PCDHGA5: variants seen among roughly 807,000 people sequenced by gnomAD.
PCDHGA5 encodes protocadherin gamma subfamily A, 5, also known as protocadherin gamma-A5.
A neutral mutation model predicts 56.7 loss-of-function variants in PCDHGA5; 36 were observed. The ratio of observed to expected loss-of-function variants is 0.64; its 90% confidence interval spans 0.49 to 0.84. The LOEUF (loss-of-function observed/expected upper bound fraction) is 0.84, where lower values mean the gene tolerates loss of function less well. Among genes scored for constraint, PCDHGA5 ranks in the 40% least tolerant of loss-of-function variants. The pLI, the probability that PCDHGA5 is intolerant of heterozygous loss-of-function variation, is 0.00. For synonymous variants in PCDHGA5, 563 were observed against 520.2 expected (o/e 1.08, Z -1.12); for missense variants, 1,305 against 1,201.5 (o/e 1.09, Z -1.27).
intron 1 of PCDHGA5, chr5:141,475,934 GC>G (rs879308605): frequency 6.0e-6 from 4 of 665,236 alleles, no homozygotes; most frequent in Non-Finnish European, 1.0e-5. Context: ...TCGGGCCCCT[GC>G]CCGTCCCCTT....
chr5:141,495,077 C>T (rs1237589417), intron 2 of PCDHGA5, among the ~76,000 whole-genome samples: 4 of 152,180 alleles, frequency 2.6e-5, no homozygotes, highest in African/African-American at 9.7e-5. Flanking sequence ...AATTCACATG[C>T]TTGCCCCTTC....
chr5:141,375,962 C>T (rs763635174), intron 1 of PCDHGA5: 3 of 1,613,226 alleles, frequency 1.9e-6, no homozygotes, highest in African/African-American at 2.7e-5. Flanking sequence ...GGGCGAGGTG[C>T]GCACGGCGCG....
chr5:141,469,036 G>T (rs1396748159), intron 1 of PCDHGA5, among the ~76,000 whole-genome samples: 2 of 152,076 alleles, frequency 1.3e-5, no homozygotes, highest in Non-Finnish European at 2.9e-5. Flanking sequence ...CAGCACTTTG[G>T]GAGGCCAAGG....
chr5:141,382,910 A>G, intron 1 of PCDHGA5: 1 of 1,546,576 alleles, frequency 6.5e-7, no homozygotes. Flanking sequence ...ATGGCGGCTC[A>G]GCCGAGGGGC....
intron 1 of PCDHGA5, among the ~76,000 whole-genome samples, chr5:141,382,462 T>A (rs1481999551): frequency 6.6e-6 from 1 of 152,240 alleles, no homozygotes; most frequent in Admixed American, 6.5e-5. Context: ...AGCAGTTTTT[T>A]AAAAATTATC....
At chr5:141,429,169 T>TACACACACACACACACACAAAC (rs2097191391) in intron 1 of PCDHGA5, 1 of 145,394 alleles carries the variant, frequency 6.9e-6, no homozygotes, top group East Asian at 2.0e-4. Flanking sequence ...ACATTGTTTA[T>TACACACACACACACACACAAAC]ACACACACAC....
intron 1 of PCDHGA5, chr5:141,393,499 A>T: frequency 6.2e-7 from 1 of 1,614,008 alleles, no homozygotes; most frequent in South Asian, 1.1e-5. Context: ...GTGCGCATCC[A>T]CGTGACAGTG....
intron 1 of PCDHGA5, chr5:141,412,954 C>A (rs2095592297): frequency 2.1e-6 from 1 of 482,442 alleles, no homozygotes; most frequent in Non-Finnish European, 3.6e-6. Flanking sequence ...CGCCGCTGTT[C>A]ACCTACTAGG....
intron 1 of PCDHGA5, chr5:141,378,992 A>G (rs1300045216): frequency 6.6e-6 from 1 of 152,246 alleles, no homozygotes; most frequent in Non-Finnish European, 1.5e-5. Flanking sequence ...ACTACATTAT[A>G]GTCAAGATTT....
intron 1 of PCDHGA5, chr5:141,394,099 C>T: frequency 1.2e-6 from 2 of 1,613,930 alleles, no homozygotes; most frequent in South Asian, 1.1e-5. Context: ...GATCTAGGAA[C>T]ACCACCTCTG....
intron 1 of PCDHGA5, chr5:141,441,955 A>G: frequency 3.1e-6 from 1 of 320,028 alleles, no homozygotes; most frequent in Non-Finnish European, 6.0e-6. Context: ...GCAGGCCAGC[A>G]AGCCCAGGCT....
intron 2 of PCDHGA5, among the ~76,000 whole-genome samples, chr5:141,503,595 G>A (rs6892628): frequency 7.1e-6 from 1 of 140,086 alleles, no homozygotes. Context: ...CGAGACTCCA[G>A]CTCAAAAAAA....
chr5:141,384,704 C>T (rs1191674511), intron 1 of PCDHGA5: 2 of 1,614,004 alleles, frequency 1.2e-6, no homozygotes, highest in African/African-American at 2.7e-5. Flanking sequence ...GGCCAGAACG[C>T]CTGGCTGTCA....
At chr5:141,428,552 T>TC in intron 1 of PCDHGA5, 2 of 244,422 alleles carry the variant, frequency 8.2e-6, no homozygotes, top group African/African-American at 2.2e-5. Context: ...CCAGAAACAG[T>TC]CCCCCCACAA....
chr5:141,505,270 G>A (rs550800630), intron 2 of PCDHGA5, 123 bp from the exon 3 acceptor site: 103 of 1,520,724 alleles, frequency 6.8e-5, no homozygotes, highest in Middle Eastern at 4.6e-4. Context: ...CTTGCTGAGA[G>A]AAACAGGTCT....
At chr5:141,453,586 C>T (rs1409763264) in intron 1 of PCDHGA5, among the ~76,000 whole-genome samples, 1 of 152,204 alleles carries the variant, frequency 6.6e-6, no homozygotes, top group Non-Finnish European at 1.5e-5. Context: ...GGTTTATCCT[C>T]ACTGTGTTTC....
At chr5:141,510,898 T>C in intron 3 of PCDHGA5, 49 bp from the exon 4 acceptor site, 1 of 1,613,278 alleles carries the variant, frequency 6.2e-7, no homozygotes, top group Non-Finnish European at 8.5e-7. Context: ...ACAGTGACTG[T>C]TGAGGACCCT....
At position 141,388,975 on chromosome 5, in the gene PCDHGA5, T is replaced by C. The variant is rs1293529479; in HGVS notation, c.2421+22224T>C. The C allele has an allele frequency of 6.8e-6, 11 of 1,613,888 alleles. No homozygotes were observed. The highest frequency in any genetic ancestry group is 8.5e-6 in the Non-Finnish European group (10 of 1,179,894). On this transcript the variant is annotated intron_variant, in intron 1 of 3. Transcript: ENST00000518069. ...GAGGACGCCGAGCTGGGAACACATATTGCTTTGCTCAAAGTCCGTGACAAG... is the reference window on the plus strand; with the variant it reads ...GAGGACGCCGAGCTGGGAACACATACTGCTTTGCTCAAAGTCCGTGACAAG...
intron 1 of PCDHGA5, among the ~76,000 whole-genome samples, chr5:141,442,945 C>G (rs1000311671): frequency 1.8e-4 from 28 of 152,150 alleles, no homozygotes; most frequent in African/African-American, 6.3e-4. Context: ...GAAACTTCCT[C>G]TCACTGCAAA....
Sources: allele counts gnomAD v4.1 joint callset (sites outside exome capture counted in the v4.1 genomes callset), GRCh38; gene constraint gnomAD v4.1.1; transcripts MANE v1.5; gene names NCBI Gene and HGNC (gene_info 2026-07-23, HGNC 2026-07-21).